TAFA1: variants seen among roughly 807,000 people sequenced by gnomAD.
TAFA1 encodes chemokine-like protein TAFA-1.
TAFA1 carries 4 observed loss-of-function variants against 18.5 expected under a neutral mutation model. That is an observed-to-expected ratio of 0.22 (90% CI 0.11 to 0.49). The LOEUF is 0.49. Among genes scored for constraint, TAFA1 ranks in the 20% least tolerant of loss-of-function variants. The pLI is 0.98. For synonymous variants in TAFA1, 56 were observed against 55.2 expected (o/e 1.01, Z -0.06); for missense variants, 147 against 169.0 (o/e 0.87, Z 0.72).
intron 2 of TAFA1, among the ~76,000 whole-genome samples, chr3:68,159,939 C>G (rs1426800160): frequency 1.3e-5 from 2 of 152,160 alleles, no homozygotes; most frequent in Admixed American, 1.3e-4. Context: ...ACTTCTTCCC[C>G]TTAGCTAGCT....
intron 2 of TAFA1, among the ~76,000 whole-genome samples, chr3:68,324,132 C>A (rs2068737735): frequency 6.6e-6 from 1 of 151,914 alleles, no homozygotes; most frequent in Admixed American, 6.6e-5. Flanking sequence ...TTTGCCAGAC[C>A]AAAATGAATT....
intron 2 of TAFA1, among the ~76,000 whole-genome samples, chr3:68,151,620 G>A (rs941083414): frequency 2.0e-5 from 3 of 152,110 alleles, no homozygotes; most frequent in African/African-American, 4.8e-5. Context: ...CCAAACTCAC[G>A]ATTTTCATCA....
intron 3 of TAFA1, among the ~76,000 whole-genome samples, chr3:68,499,473 A>T: frequency 7.3e-6 from 1 of 136,710 alleles, no homozygotes; most frequent in African/African-American, 2.7e-5. Context: ...TTGAGAAGAC[A>T]TGCTACAAAC....
chr3:68,355,050 A>G (rs560846051), intron 2 of TAFA1, among the ~76,000 whole-genome samples: 2 of 152,046 alleles, frequency 1.3e-5, no homozygotes, highest in South Asian at 2.1e-4. Flanking sequence ...TTTTGGTGTG[A>G]AATTTCTGGA....
At chr3:68,521,099 A>G (rs935256054) in intron 3 of TAFA1, among the ~76,000 whole-genome samples, 2 of 152,184 alleles carry the variant, frequency 1.3e-5, no homozygotes, top group Non-Finnish European at 2.9e-5. Context: ...ATTTTCCTGA[A>G]CTGTCTTTTA....
intron 2 of TAFA1, among the ~76,000 whole-genome samples, chr3:68,374,719 A>T (rs994814412): frequency 6.6e-6 from 1 of 152,168 alleles, no homozygotes; most frequent in East Asian, 1.9e-4. Flanking sequence ...ATGATTTGGT[A>T]TTGATGAAAG....
At chr3:68,024,137 A>G (rs1704760611) in intron 2 of TAFA1, among the ~76,000 whole-genome samples, 1 of 152,156 alleles carries the variant, frequency 6.6e-6, no homozygotes, top group Admixed American at 6.6e-5. Context: ...ATATTATCCT[A>G]AGTATTTTTT....
chr3:68,110,380 A>G (rs930214358), intron 2 of TAFA1, among the ~76,000 whole-genome samples: 1 of 152,084 alleles, frequency 6.6e-6, no homozygotes, highest in African/African-American at 2.4e-5. Context: ...TCTATCATTG[A>G]TGGGCATTTG....
At chr3:68,293,356 A>G (rs58719178) in intron 2 of TAFA1, among the ~76,000 whole-genome samples, 13,047 of 152,260 alleles carry the variant, frequency 0.086, 579 homozygotes, top group Middle Eastern at 0.12. Context: ...ATAAAACTGC[A>G]CATTCTGGAC....
chr3:68,310,886 G>T (rs546824824), intron 2 of TAFA1, among the ~76,000 whole-genome samples: 1 of 151,978 alleles, frequency 6.6e-6, no homozygotes, highest in Non-Finnish European at 1.5e-5. Flanking sequence ...AAGTGTTTAC[G>T]TATGCTAAAT....
intron 2 of TAFA1, among the ~76,000 whole-genome samples, chr3:68,123,878 CAAAAAAAAA>C (rs758966848): frequency 8.7e-4 from 63 of 72,112 alleles, no homozygotes; most frequent in African/African-American, 3.8e-3. Context: ...CTTTTTTTTC[CAAAAAAAAA>C]AAAAAAAAAA....
At chr3:68,459,167 C>T (rs1270834474) in intron 3 of TAFA1, among the ~76,000 whole-genome samples, 1 of 152,156 alleles carries the variant, frequency 6.6e-6, no homozygotes, top group Non-Finnish European at 1.5e-5. Context: ...CAAGGAAGTG[C>T]TCATCAGCTG....
intron 3 of TAFA1, among the ~76,000 whole-genome samples, chr3:68,516,377 GA>G (rs1467586007): frequency 6.6e-6 from 1 of 152,142 alleles, no homozygotes; most frequent in African/African-American, 2.4e-5. Context: ...TCATCAAGGG[GA>G]CAGTGTGGAA....
At chr3:68,004,758 G>A (rs901243598) in intron 1 of TAFA1, 56 bp downstream of exon 1, 1 of 152,082 alleles carries the variant, frequency 6.6e-6, no homozygotes, top group Non-Finnish European at 1.5e-5. Flanking sequence ...AACATATCCA[G>A]GCATATCTAG....
chr3:68,306,796 G>T (rs569343264), intron 2 of TAFA1, among the ~76,000 whole-genome samples: 1 of 152,170 alleles, frequency 6.6e-6, no homozygotes, highest in East Asian at 1.9e-4. Flanking sequence ...GAGCAGGGGT[G>T]GATCTTTCTC....
chr3:68,229,298 T>A (rs1257200056), intron 2 of TAFA1, among the ~76,000 whole-genome samples: 2 of 152,180 alleles, frequency 1.3e-5, no homozygotes, highest in African/African-American at 4.8e-5. Flanking sequence ...GAATTTTACC[T>A]CTGTGAAATA....
chr3:68,040,062 A>G (rs577522994), intron 2 of TAFA1, among the ~76,000 whole-genome samples: 1 of 152,240 alleles, frequency 6.6e-6, no homozygotes, highest in South Asian at 2.1e-4. Context: ...ATGTGGAACG[A>G]CACCTTCTGA....
intron 2 of TAFA1, among the ~76,000 whole-genome samples, chr3:68,099,399 A>G (rs1399953435): frequency 2.6e-5 from 4 of 152,236 alleles, no homozygotes; most frequent in Admixed American, 1.3e-4. Flanking sequence ...AATATATGAA[A>G]AAAATGCTCA....
rs556987319 is a variant in TAFA1, at chr3:68,409,822, T to C, written c.119-7458T>C. On this transcript the variant is annotated intron_variant, in intron 2 of 4. Coordinates refer to ENST00000478136, the MANE Select transcript of TAFA1 (RefSeq NM_213609.4). The stretch of plus-strand genomic sequence containing the variant: ...GTTGGTATGAGCTATTTCTATTAAA[T>C]ATCAGATCTGGGGGCAAACCCTGAC... 9.9e-5 allele frequency among the ~76,000 whole-genome samples: 15 copies of C among 152,282 alleles called. No individual in the cohort carries two copies. In the South Asian group the frequency reaches 2.9e-3, roughly 29 times the overall value.
Sources: allele counts gnomAD v4.1 joint callset (sites outside exome capture counted in the v4.1 genomes callset), GRCh38; gene constraint gnomAD v4.1.1; transcripts MANE v1.5; gene names NCBI Gene and HGNC (gene_info 2026-07-23, HGNC 2026-07-21).